The following NRG4 variants were observed in gnomAD, a reference collection of about 807,000 sequenced individuals.
NRG4 encodes neuregulin 4.
Under a neutral mutation model 15.0 loss-of-function variants are expected in NRG4, and 10 were observed. The observed-to-expected ratio is 0.67, with a 90% CI of 0.41 to 1.13. The LOEUF (loss-of-function observed/expected upper bound fraction) is 1.13, where lower values mean the gene tolerates loss of function less well. Among genes scored for constraint, NRG4 ranks in the 50% most tolerant of loss-of-function variants. The pLI, the probability that NRG4 is intolerant of heterozygous loss-of-function variation, is 0.00. For synonymous variants in NRG4, 41 were observed against 50.1 expected, an observed-to-expected ratio of 0.82 and a Z score of 0.77; for missense variants, 139 against 140.2, an observed-to-expected ratio of 0.99 and a Z score of 0.04.
intron 5 of NRG4, among the ~76,000 whole-genome samples, chr15:76,025,042 A>T (rs538259493): frequency 6.6e-6 from 1 of 152,352 alleles, no homozygotes; most frequent in South Asian, 2.1e-4. Flanking sequence ...AGAAGAACAC[A>T]GTAATTCTCC....
intron 3 of NRG4, among the ~76,000 whole-genome samples, chr15:75,974,803 T>C (rs1431847435): frequency 3.3e-5 from 5 of 152,348 alleles, no homozygotes; most frequent in African/African-American, 9.6e-5. Flanking sequence ...ATAAGTGCGA[T>C]GTGGTGCTGA....
At chr15:75,970,271 T>A (rs924511389) in intron 3 of NRG4, among the ~76,000 whole-genome samples, 1 of 152,244 alleles carries the variant, frequency 6.6e-6, no homozygotes, top group Admixed American at 6.5e-5. Flanking sequence ...ACACGTCCAA[T>A]GAAGAAGCAC....
chr15:76,011,496 C>T lies in NRG4; in HGVS notation c.-56-210G>A, dbSNP rs141592980. Among the ~76,000 whole-genome samples the T allele has an allele frequency of 6.2e-3, 951 of 152,178 alleles. 8 individuals carry two copies. The highest frequency in any genetic ancestry group is 0.021 in the African/African-American group (890 of 41,530). On this transcript the variant is annotated intron_variant, in intron 1 of 5. Coordinates refer to ENST00000394907, the MANE Select transcript of NRG4 (RefSeq NM_138573.4). ...ATGAACAAAACTAAAAGATCAATAA[C>T]GTACTTAATATAAATCATTGCCTAA...
intron 5 of NRG4, among the ~76,000 whole-genome samples, chr15:76,022,258 T>TA (rs1022847942): frequency 2.4e-4 from 37 of 152,040 alleles, no homozygotes; most frequent in African/African-American, 8.2e-4. Context: ...GCCATCCTTT[T>TA]AAAAAAAAGA....
chr15:76,019,520 G>A (rs1286567052), intron 5 of NRG4, among the ~76,000 whole-genome samples: 1 of 152,206 alleles, frequency 6.6e-6, no homozygotes, highest in African/African-American at 2.4e-5. Context: ...CTCATCTGTG[G>A]GTTGTGAAGA....
At chr15:75,992,630 C>G (rs922322852) in intron 3 of NRG4, among the ~76,000 whole-genome samples, 1 of 152,030 alleles carries the variant, frequency 6.6e-6, no homozygotes, top group South Asian at 2.1e-4. Flanking sequence ...AAAGAAACAC[C>G]ACGTCCATGA....
At chr15:76,044,402 G>A (rs1051424831) in intron 4 of NRG4, among the ~76,000 whole-genome samples, 1 of 150,778 alleles carries the variant, frequency 6.6e-6, no homozygotes, top group Non-Finnish European at 1.5e-5. Flanking sequence ...ATATGCAGAA[G>A]AATGAAACTC....
chr15:75,943,793 C>T, intron 5 of NRG4, 139 bp from the exon 6 acceptor site: 1 of 591,122 alleles, frequency 1.7e-6, no homozygotes, highest in Non-Finnish European at 3.0e-6. Context: ...TTGAGGTAAA[C>T]TAACCTAGAA....
intron 3 of NRG4, among the ~76,000 whole-genome samples, chr15:75,988,906 G>C (rs2033903174): frequency 6.7e-6 from 1 of 148,804 alleles, no homozygotes; most frequent in Admixed American, 6.7e-5. Flanking sequence ...GCCCAGGCCG[G>C]AGTGGCAGTG....
intron 5 of NRG4, among the ~76,000 whole-genome samples, chr15:76,023,534 GCAA>G (rs1166397696): frequency 6.6e-6 from 1 of 152,126 alleles, no homozygotes; most frequent in Admixed American, 6.5e-5. Context: ...GGGAATTTAT[GCAA>G]CTACACTGCT....
intron 1 of NRG4, among the ~76,000 whole-genome samples, chr15:76,057,839 TATAA>T (rs2036190669): frequency 2.7e-5 from 4 of 150,354 alleles, no homozygotes; most frequent in African/African-American, 7.3e-5. Context: ...TATTTATAAA[TATAA>T]ATATTTTCTA....
chr15:76,038,285 TG>T (rs2035643390), intron 4 of NRG4, among the ~76,000 whole-genome samples: 1 of 152,144 alleles, frequency 6.6e-6, no homozygotes, highest in Admixed American at 6.5e-5. Flanking sequence ...TACCACAACG[TG>T]GTATAGCACC....
chr15:75,948,541 C>T (rs1040313803), intron 5 of NRG4, among the ~76,000 whole-genome samples: 4 of 151,896 alleles, frequency 2.6e-5, no homozygotes, highest in African/African-American at 7.3e-5. Context: ...CCTCGTGATC[C>T]GCCCACCTGG....
At chr15:76,034,553 T>C (rs2035555890) in intron 5 of NRG4, among the ~76,000 whole-genome samples, 1 of 151,978 alleles carries the variant, frequency 6.6e-6, no homozygotes, top group African/African-American at 2.4e-5. Context: ...GATATGACAA[T>C]TGCTTGGAGG....
intron 3 of NRG4, among the ~76,000 whole-genome samples, chr15:75,978,489 A>G (rs1452778762): frequency 6.6e-6 from 1 of 152,200 alleles, no homozygotes; most frequent in Non-Finnish European, 1.5e-5. Context: ...GCTATTGTGA[A>G]TAGTGCTGCA....
intron 4 of NRG4, chr15:75,959,068 C>A: frequency 6.0e-6 from 2 of 335,866 alleles, no homozygotes; most frequent in Non-Finnish European, 6.0e-6. Flanking sequence ...TGCAGCCTCT[C>A]ATTCCTGGGC....
At chr15:76,032,739 A>C (rs1178638405) in intron 5 of NRG4, among the ~76,000 whole-genome samples, 1 of 152,246 alleles carries the variant, frequency 6.6e-6, no homozygotes. Context: ...GCAAAAATAG[A>C]AAAGTAAAAT....
chr15:75,992,915 AC>A (rs2034073218), intron 3 of NRG4, among the ~76,000 whole-genome samples: 1 of 147,350 alleles, frequency 6.8e-6, no homozygotes, highest in African/African-American at 2.5e-5. Context: ...GTTGATGGAC[AC>A]TTTTTTTTTT....
At chr15:76,009,870 A>C (rs1158022879) in intron 2 of NRG4, among the ~76,000 whole-genome samples, 1 of 152,184 alleles carries the variant, frequency 6.6e-6, no homozygotes, top group Non-Finnish European at 1.5e-5. Flanking sequence ...ACTAACCATA[A>C]GGCATATCTA....
Sources: gnomAD v4.1 joint callset for allele counts (sites outside exome capture counted in the v4.1 genomes callset) on GRCh38, gnomAD v4.1.1 for gene constraint, MANE v1.5 for transcripts, NCBI Gene and HGNC (gene_info 2026-07-23, HGNC 2026-07-21) for gene names.